Variants in PDE3B observed in about 807,000 individuals in gnomAD.
PDE3B encodes cGMP-inhibited 3',5'-cyclic phosphodiesterase 3B.
Under a neutral mutation model 116.8 loss-of-function variants are expected in PDE3B, and 66 were observed. The observed-to-expected ratio is 0.56, with a 90% CI of 0.46 to 0.69. The LOEUF (loss-of-function observed/expected upper bound fraction) is 0.69, where lower values mean the gene tolerates loss of function less well. Ranked by LOEUF, PDE3B falls within the 30% of genes least tolerant of loss-of-function variation. The pLI is 0.00. For synonymous variants in PDE3B, 595 were observed against 533.6 expected (o/e 1.12, Z -1.59); for missense variants, 1,384 against 1,368.1 (o/e 1.01, Z -0.18).
chr11:14,825,994 A>G (rs966143641), intron 7 of PDE3B, among the ~76,000 whole-genome samples: 6 of 152,238 alleles, frequency 3.9e-5, no homozygotes, highest in Admixed American at 2.6e-4. Flanking sequence ...TTACATGGAA[A>G]GTAAACAACT....
At chr11:14,815,768 AG>A (rs1275075151) in intron 5 of PDE3B, among the ~76,000 whole-genome samples, 1 of 152,196 alleles carries the variant, frequency 6.6e-6, no homozygotes, top group Non-Finnish European at 1.5e-5. Context: ...ACAAGCCAAT[AG>A]AAAAATTAGC....
chr11:14,884,292 A>C, the PDE3B span, among the ~76,000 whole-genome samples: 6 of 151,792 alleles, frequency 4.0e-5, no homozygotes, highest in East Asian at 2.1e-4. Flanking sequence ...AAAGGTCCAA[A>C]AATGATAGAC....
chr11:14,829,851 G>A (rs1448238076), intron 7 of PDE3B, among the ~76,000 whole-genome samples: 3 of 151,948 alleles, frequency 2.0e-5, no homozygotes, highest in Non-Finnish European at 2.9e-5. Flanking sequence ...GATAAAAGTT[G>A]TTTTTTAAAA....
At chr11:14,702,038 T>C (rs1855377408) in intron 1 of PDE3B, among the ~76,000 whole-genome samples, 2 of 151,554 alleles carry the variant, frequency 1.3e-5, no homozygotes, top group Admixed American at 1.3e-4. Context: ...TTTCTGGGCT[T>C]CCTGTTAGTT....
intron 1 of PDE3B, among the ~76,000 whole-genome samples, chr11:14,688,618 T>C (rs1403941979): frequency 6.6e-6 from 1 of 152,206 alleles, no homozygotes; most frequent in Non-Finnish European, 1.5e-5. Flanking sequence ...TTCTCAGAAG[T>C]ATTTTATTTG....
chr11:14,666,724 C>G (rs1854166233), intron 1 of PDE3B, among the ~76,000 whole-genome samples: 1 of 151,582 alleles, frequency 6.6e-6, no homozygotes, highest in South Asian at 2.1e-4. Context: ...CAAATCAAAA[C>G]CACAATGAGA....
At chr11:14,858,674 C>T in intron 12 of PDE3B, among the ~76,000 whole-genome samples, 1 of 152,250 alleles carries the variant, frequency 6.6e-6, no homozygotes, top group Non-Finnish European at 1.5e-5. Flanking sequence ...CTCTAGATCC[C>T]TAATGACTTT....
chr11:14,729,884 A>G (rs192322181), intron 1 of PDE3B, among the ~76,000 whole-genome samples: 327 of 152,352 alleles, frequency 2.1e-3, no homozygotes, highest in Non-Finnish European at 3.7e-3. Flanking sequence ...GTTGCAAATA[A>G]TAGAAATCAA....
chr11:14,808,034 T>C (rs748190917), intron 5 of PDE3B, among the ~76,000 whole-genome samples: 12 of 147,910 alleles, frequency 8.1e-5, no homozygotes, highest in Admixed American at 1.4e-4. Flanking sequence ...CACTTGAGCC[T>C]GGACGACAAA....
At chr11:14,745,447 G>C (rs371879157) in intron 1 of PDE3B, among the ~76,000 whole-genome samples, 77 of 151,224 alleles carry the variant, frequency 5.1e-4, no homozygotes, top group African/African-American at 1.8e-3. Flanking sequence ...TTTTAACCAC[G>C]TACTTTTCTT....
chr11:14,680,737 G>A (rs1210306848), intron 1 of PDE3B, among the ~76,000 whole-genome samples: 1 of 151,242 alleles, frequency 6.6e-6, no homozygotes, highest in Non-Finnish European at 1.5e-5. Context: ...TACTAAACAA[G>A]CTGGTTTTAA....
intron 11 of PDE3B, among the ~76,000 whole-genome samples, chr11:14,836,628 G>C (rs909617212): frequency 5.3e-5 from 8 of 152,170 alleles, no homozygotes; most frequent in African/African-American, 1.4e-4. Flanking sequence ...CAGAAATTTA[G>C]TCACTGAAAA....
chr11:14,818,108 C>A, intron 5 of PDE3B, 75 bp from the exon 6 acceptor site: 4 of 982,068 alleles, frequency 4.1e-6, no homozygotes, highest in South Asian at 1.8e-5. Flanking sequence ...TCCATAAAAA[C>A]ACAAATATAT....
intron 1 of PDE3B, among the ~76,000 whole-genome samples, chr11:14,707,438 TG>T (rs1225295214): frequency 6.6e-6 from 1 of 152,030 alleles, no homozygotes. Flanking sequence ...CATTTCTTAC[TG>T]AGTCTGTGAA....
At chr11:14,857,081 C>T (rs531524708) in intron 12 of PDE3B, among the ~76,000 whole-genome samples, 2 of 152,278 alleles carry the variant, frequency 1.3e-5, no homozygotes, top group African/African-American at 4.8e-5. Context: ...TATTAAACCC[C>T]TTCTCAGATC....
chr11:14,763,095 C>T (rs1290731503), intron 1 of PDE3B, among the ~76,000 whole-genome samples: 2 of 152,048 alleles, frequency 1.3e-5, no homozygotes, highest in Non-Finnish European at 2.9e-5. Flanking sequence ...AGAAGAGGTC[C>T]AAGGGCAGTG....
rs1336514323 is a variant in PDE3B at position 14,870,446 on chromosome 11, ATTG to A, written c.*792_*794del. 3.9e-5 allele frequency: 6 copies of A among 152,556 alleles called. No homozygotes were observed. The allele number at this position is 152,556 out of a possible 1,614,324, so 9.5% of individuals were successfully genotyped here. On this transcript the variant is annotated 3_prime_UTR_variant, in exon 16 of 16. Transcript: ENST00000282096. The surrounding 1 kb of genome is among the most constrained non-coding windows in gnomAD (Gnocchi z 4.1). ...TGAAGGGATTTATTCTTTAGTCAAA[ATTG>A]TTGTTTTTACTCTAGCTCAGGATTC... is the stretch of plus-strand genomic sequence containing the variant.
intron 1 of PDE3B, among the ~76,000 whole-genome samples, chr11:14,646,377 C>A (rs753226052): frequency 2.0e-5 from 3 of 152,154 alleles, no homozygotes; most frequent in Non-Finnish European, 4.4e-5. Flanking sequence ...CTTGATTTGG[C>A]TTCAGAGGCC....
intron 1 of PDE3B, among the ~76,000 whole-genome samples, chr11:14,687,684 G>A (rs1276636541): frequency 1.3e-5 from 2 of 152,112 alleles, no homozygotes; most frequent in Non-Finnish European, 2.9e-5. Flanking sequence ...AGTTTACAGA[G>A]CTACAAAAAT....
Sources: gnomAD v4.1 joint callset for allele counts (sites outside exome capture counted in the v4.1 genomes callset) on GRCh38, gnomAD v4.1.1 for gene constraint, Gnocchi (gnomAD v3.1) non-coding constraint, MANE v1.5 for transcripts, NCBI Gene and HGNC (gene_info 2026-07-23, HGNC 2026-07-21) for gene names.